Variants in PCDHA3 observed in about 807,000 individuals in gnomAD.
The protein encoded by PCDHA3 is protocadherin alpha 3.
In PCDHA3, 41 loss-of-function variants were observed where a neutral mutation model predicts 62.2. That is an observed-to-expected ratio of 0.66 (90% confidence interval 0.51 to 0.86). The LOEUF is 0.86. Ranked by LOEUF, PCDHA3 falls within the 40% of genes least tolerant of loss-of-function variation. The pLI is 0.00. For synonymous variants in PCDHA3, 640 were observed against 555.4 expected, an observed-to-expected ratio of 1.15 and a Z score of -2.14; for missense variants, 1,304 against 1,241.2, an observed-to-expected ratio of 1.05 and a Z score of -0.76.
chr5:140,848,807 C>G, intron 1 of PCDHA3: 1 of 1,591,972 alleles, frequency 6.3e-7, no homozygotes, highest in East Asian at 2.2e-5. Context: ...AGTGCAGCAT[C>G]CACCTGGAGG....
intron 1 of PCDHA3, among the ~76,000 whole-genome samples, chr5:140,905,413 A>T (rs2071819141): frequency 6.6e-6 from 1 of 152,180 alleles, no homozygotes; most frequent in South Asian, 2.1e-4. Flanking sequence ...TTATACCAGT[A>T]CCATGCTGGT....
intron 1 of PCDHA3, chr5:140,830,208 C>T (rs2150182754): frequency 2.0e-5 from 32 of 1,613,688 alleles, no homozygotes; most frequent in Non-Finnish European, 2.6e-5. Context: ...GCCATCTGCG[C>T]GGTATCCAGC....
intron 1 of PCDHA3, chr5:140,808,083 C>T (rs1764094989): frequency 1.2e-6 from 2 of 1,613,832 alleles, no homozygotes; most frequent in African/African-American, 2.7e-5. Context: ...GATCCAATTA[C>T]TGGACAAATT....
Position 140,801,695 on chromosome 5 carries a change from G to A in PCDHA3, c.498G>A (p.Ser166=). ...GASDADIGTN[S]LLTYSLDSTE... is the part of the protein sequence containing the mutation. ...CAGATGCAGATATCGGAACAAATTC[G>A]TTGTTGACTTACAGTCTTGATTCCA... The change falls in exon 1 of 4, where the codon TCG becomes TCA. Residue 166 remains serine, a synonymous_variant. Transcript: ENST00000522353. 4 of 1,614,170 alleles carry A rather than the reference G, an allele frequency of 2.5e-6. No individual in the cohort carries two copies. The highest frequency in any genetic ancestry group is 3.4e-6 in the Non-Finnish European group (4 of 1,180,042).
At chr5:140,970,802 AC>A (rs1407360459) in intron 1 of PCDHA3, among the ~76,000 whole-genome samples, 1 of 152,216 alleles carries the variant, frequency 6.6e-6, no homozygotes, top group Non-Finnish European at 1.5e-5. Flanking sequence ...CCATATTGTT[AC>A]ATTTCAAGTT....
At chr5:140,887,442 T>C (rs2061450115) in intron 1 of PCDHA3, among the ~76,000 whole-genome samples, 1 of 152,180 alleles carries the variant, frequency 6.6e-6, no homozygotes, top group Non-Finnish European at 1.5e-5. Context: ...CTGGGCATAG[T>C]TGACAGTTTT....
intron 1 of PCDHA3, among the ~76,000 whole-genome samples, chr5:140,954,765 C>T (rs1305270750): frequency 6.6e-6 from 1 of 152,064 alleles, no homozygotes; most frequent in Non-Finnish European, 1.5e-5. Context: ...TGCAGAAGCT[C>T]TTTAATTTAA....
chr5:140,864,764 T>C (rs1202500851), intron 1 of PCDHA3: 2 of 152,238 alleles, frequency 1.3e-5, no homozygotes, highest in East Asian at 3.8e-4. Context: ...TTTTCTTTCA[T>C]TTTTGGTACC....
In PCDHA3 at chr5:140,844,652, C is replaced by CA. The variant is rs1162718646; in HGVS notation, c.2394+41064dup. 1.0e-4 allele frequency among the ~76,000 whole-genome samples: 15 copies of CA among 149,492 alleles called. 1 individual carries two copies. The highest frequency in any genetic ancestry group is 2.0e-4 in the Admixed American group (3 of 14,904). On this transcript the variant is annotated intron_variant, in intron 1 of 3. Transcript: ENST00000522353. ...ACTATACATGATAATTTCATTCTTG[C>CA]AAACCAAACATATAATTTATAAATC...
chr5:140,934,515 C>A (rs1163045974), intron 1 of PCDHA3, among the ~76,000 whole-genome samples: 1 of 152,214 alleles, frequency 6.6e-6, no homozygotes, highest in Admixed American at 6.5e-5. Context: ...GGTCCATAGA[C>A]CACACTTCGA....
chr5:140,870,750 G>T, intron 1 of PCDHA3: 1 of 1,613,506 alleles, frequency 6.2e-7, no homozygotes, highest in Non-Finnish European at 8.5e-7. Flanking sequence ...GCAACGTGAC[G>T]CTGCAGGTGT....
chr5:140,928,944 A>G (rs782627710), intron 1 of PCDHA3: 1 of 1,614,070 alleles, frequency 6.2e-7, no homozygotes, highest in South Asian at 1.1e-5. Context: ...ACTTGTATTT[A>G]GTAATTGCCT....
At chr5:140,857,365 C>A (rs251362) in intron 1 of PCDHA3, 1 of 1,597,496 alleles carries the variant, frequency 6.3e-7, no homozygotes, top group South Asian at 1.1e-5. Context: ...CCACGGCCAG[C>A]GTGTCTGTGG....
At chr5:140,903,927 G>A (rs1202330297) in intron 1 of PCDHA3, among the ~76,000 whole-genome samples, 1 of 152,158 alleles carries the variant, frequency 6.6e-6, no homozygotes, top group Non-Finnish European at 1.5e-5. Context: ...TGCTGCATTG[G>A]ATAATACCTC....
chr5:140,922,093 C>T (rs1037802949), intron 1 of PCDHA3, among the ~76,000 whole-genome samples: 6 of 151,986 alleles, frequency 3.9e-5, no homozygotes, highest in Middle Eastern at 3.4e-3. Flanking sequence ...GTATTTCTAC[C>T]AACTATAGAT....
intron 1 of PCDHA3, chr5:140,927,567 C>A: frequency 6.2e-7 from 1 of 1,614,180 alleles, no homozygotes; most frequent in Non-Finnish European, 8.5e-7. Context: ...TTGTGGTGGA[C>A]ACAAATGACA....
chr5:140,885,335 A>T (rs183720535), intron 1 of PCDHA3, among the ~76,000 whole-genome samples: 2 of 152,246 alleles, frequency 1.3e-5, no homozygotes, highest in East Asian at 3.9e-4. Context: ...CCAAAGTTTG[A>T]AGGGATTTCC....
chr5:140,966,665 G>A, intron 1 of PCDHA3: 1 of 1,258,258 alleles, frequency 7.9e-7, no homozygotes. Flanking sequence ...GGGGGAGCAG[G>A]CGCAGGGTGG....
At chr5:140,928,467 A>C (rs782319281) in intron 1 of PCDHA3, 29 of 1,614,142 alleles carry the variant, frequency 1.8e-5, no homozygotes, top group Non-Finnish European at 2.3e-5. Flanking sequence ...ATTTCCAAGT[A>C]GAAGGCCGGG....
Sources: allele counts gnomAD v4.1 joint callset (sites outside exome capture counted in the v4.1 genomes callset), GRCh38; gene constraint gnomAD v4.1.1; transcripts MANE v1.5; gene names NCBI Gene and HGNC (gene_info 2026-07-23, HGNC 2026-07-21).